Variants in TTC8 observed in about 807,000 individuals in gnomAD.
The protein encoded by TTC8 is tetratricopeptide repeat domain 8.
In TTC8, 47 loss-of-function variants were observed where a neutral mutation model predicts 72.5. The observed-to-expected ratio is 0.65, with a 90% confidence interval of 0.51 to 0.83. The LOEUF (loss-of-function observed/expected upper bound fraction) is 0.83, where lower values mean the gene tolerates loss of function less well. Among genes scored for constraint, TTC8 ranks in the 40% least tolerant of loss-of-function variants. The probability of loss-of-function intolerance (pLI) is 0.00; values close to 1 mark genes in which losing one functional copy is unlikely to be tolerated. For synonymous variants in TTC8, 199 were observed against 221.4 expected (o/e 0.90, Z 0.90); for missense variants, 611 against 623.2 (o/e 0.98, Z 0.21).
intron 9 of TTC8, among the ~76,000 whole-genome samples, chr14:88,857,489 A>G (rs374352227): frequency 6.6e-6 from 1 of 152,148 alleles, no homozygotes; most frequent in Non-Finnish European, 1.5e-5. Context: ...AAAAATAAGA[A>G]GACCCATTTG....
At chr14:88,850,202 T>G (rs972035806) in intron 7 of TTC8, among the ~76,000 whole-genome samples, 1 of 152,254 alleles carries the variant, frequency 6.6e-6, no homozygotes, top group South Asian at 2.1e-4. Flanking sequence ...CTTTTAATTA[T>G]GAATCTTATT....
At chr14:88,848,277 AAAAT>A (rs1289573156) in intron 7 of TTC8, among the ~76,000 whole-genome samples, 1 of 152,094 alleles carries the variant, frequency 6.6e-6, no homozygotes, top group Non-Finnish European at 1.5e-5. Context: ...ACAAAAATAT[AAAAT>A]AAAGAGTCTT....
rs149115069 is a variant in TTC8 at position 88,838,832 on chromosome 14, C to T, written c.145-620C>T. On this transcript the variant is annotated intron_variant, in intron 2 of 14. Transcript: ENST00000380656. ...GATCACAAAGCAACCAGTGTTGTTT[C>T]GTTATTGGAATCGGATAAATTGATC... Among the ~76,000 whole-genome samples, 1,045 of 152,050 alleles carry T rather than the reference C, an allele frequency of 6.9e-3. 33 individuals are homozygous for T. Among genetic ancestry groups the T allele is most frequent in the Admixed American group, 0.06 (922 of 15,278 alleles).
rs778519148 is a variant in TTC8, at chr14:88,839,453, C to A, written c.146C>A (p.Ala49Glu). 5.0e-6 allele frequency: 8 copies of A among 1,612,712 alleles called. No homozygotes were observed. In the East Asian group the frequency reaches 1.6e-4, roughly 32 times the overall value. Residue 49 changes from alanine (A) to glutamate (E), a missense_variant and splice_region_variant, in exon 3 of 15, where the codon GCA becomes GAA. By Grantham distance (107) the Ala-to-Glu change is moderately radical. Transcript: ENST00000380656. ...GTTTTATTTATCCATGGGTTTTAGG[C>A]AGCTTGGATCTTAAAAGCAAGAGCG... The part of the protein sequence containing the change: ...EPDPELPVHQ[A>E]AWILKARALT...
intron 10 of TTC8, among the ~76,000 whole-genome samples, chr14:88,863,029 C>T (rs1325704442): frequency 6.6e-6 from 1 of 150,412 alleles, no homozygotes; most frequent in Non-Finnish European, 1.5e-5. Context: ...CCATAAAAAT[C>T]CCTGGAAGCA....
intron 9 of TTC8, among the ~76,000 whole-genome samples, chr14:88,858,088 A>G (rs971838712): frequency 6.6e-6 from 1 of 151,848 alleles, no homozygotes; most frequent in African/African-American, 2.4e-5. Context: ...CAGCCTCCCA[A>G]GTAGCTGGGA....
At chr14:88,858,647 G>T (rs900632529) in intron 9 of TTC8, among the ~76,000 whole-genome samples, 21 of 151,400 alleles carry the variant, frequency 1.4e-4, no homozygotes, top group African/African-American at 4.9e-4. Flanking sequence ...AGGCTGGAGT[G>T]CACTGCCATT....
At chr14:88,880,030 G>C (rs929009544), downstream of TTC8, 3 of 152,116 alleles carry the variant, frequency 2.0e-5, no homozygotes, top group African/African-American at 4.8e-5. Context: ...AGGGATTTCT[G>C]TCAGGGTCTT....
intron 10 of TTC8, among the ~76,000 whole-genome samples, chr14:88,863,077 G>A (rs1566853186): frequency 6.6e-6 from 1 of 150,778 alleles, no homozygotes; most frequent in Non-Finnish European, 1.5e-5. Flanking sequence ...GAATGATGGG[G>A]AGGGGGTGGG....
At chr14:88,857,940 G>A (rs2094864770) in intron 9 of TTC8, among the ~76,000 whole-genome samples, 1 of 151,890 alleles carries the variant, frequency 6.6e-6, no homozygotes, top group Admixed American at 6.6e-5. Context: ...AAATGATGGG[G>A]CCACCTAGGA....
chr14:88,872,310 A>G lies in TTC8; in HGVS notation c.1225-20A>G. 6.2e-7 allele frequency: 1 copy of G among 1,613,374 alleles called. No individual in the cohort carries two copies. Among genetic ancestry groups the G allele is most frequent in the East Asian group, 2.2e-5 (1 of 44,800 alleles). Reference sequence around the variant, plus strand: ...GAAGTAAACGGACCCATGGGTGTGAACATAGGCTTTCTTTTGTAGGGAATA... The same window carrying G: ...GAAGTAAACGGACCCATGGGTGTGAGCATAGGCTTTCTTTTGTAGGGAATA... On this transcript the variant is annotated intron_variant, in intron 12 of 14. Coordinates refer to ENST00000380656, the MANE Select transcript of TTC8 (RefSeq NM_144596.4).
intron 1 of TTC8, among the ~76,000 whole-genome samples, chr14:88,830,118 C>T (rs1360798441): frequency 9.9e-5 from 15 of 152,078 alleles, no homozygotes; most frequent in South Asian, 2.1e-4. Flanking sequence ...AACAATGACT[C>T]GGCAGTTTAA....
intron 13 of TTC8, among the ~76,000 whole-genome samples, chr14:88,873,931 TAAC>T (rs777746037): frequency 8.5e-5 from 13 of 152,160 alleles, no homozygotes; most frequent in Admixed American, 8.5e-4. Context: ...GATAAACTTT[TAAC>T]AACAACAAGG....
At chr14:88,838,597 G>C (rs1441485584) in intron 2 of TTC8, among the ~76,000 whole-genome samples, 1 of 152,012 alleles carries the variant, frequency 6.6e-6, no homozygotes, top group Non-Finnish European at 1.5e-5. Flanking sequence ...AGCACACCAA[G>C]CTTTATTGTT....
chr14:88,846,530 A>AT (rs1390743673), intron 7 of TTC8: 10 of 776,722 alleles, frequency 1.3e-5, no homozygotes, highest in South Asian at 5.4e-5. Context: ...GTTGTTGGTG[A>AT]TGAGTTTAGA....
At chr14:88,865,683 A>T (rs906176457) in intron 10 of TTC8, among the ~76,000 whole-genome samples, 23 of 152,176 alleles carry the variant, frequency 1.5e-4, no homozygotes, top group Admixed American at 2.6e-4. Context: ...ATAAAAATAA[A>T]AATAATAATA....
At chr14:88,866,316 C>A (rs750141349) in intron 10 of TTC8, among the ~76,000 whole-genome samples, 6 of 151,706 alleles carry the variant, frequency 4.0e-5, no homozygotes, top group Non-Finnish European at 7.4e-5. Context: ...CTGGGACAGA[C>A]AAAAGACTGC....
At chr14:88,879,897 A>T (rs1351225605), downstream of TTC8, 1 of 152,038 alleles carries the variant, frequency 6.6e-6, no homozygotes. Context: ...GGCTGGTCTC[A>T]AACTCCTGGC....
intron 1 of TTC8, among the ~76,000 whole-genome samples, chr14:88,832,958 C>A (rs143595137): frequency 4.5e-4 from 69 of 152,270 alleles, no homozygotes; most frequent in African/African-American, 1.6e-3. Flanking sequence ...TCCTACCATG[C>A]GTCATGTTAA....
Sources: allele counts gnomAD v4.1 joint callset (sites outside exome capture counted in the v4.1 genomes callset), GRCh38; gene constraint gnomAD v4.1.1; transcripts MANE v1.5; gene names NCBI Gene and HGNC (gene_info 2026-07-23, HGNC 2026-07-21).